Variants in PKP1 observed in about 807,000 individuals in gnomAD.
PKP1 encodes the protein plakophilin-1.
In PKP1, 27 loss-of-function variants were observed where a neutral mutation model predicts 76.4. The ratio of observed to expected loss-of-function variants is 0.35; its 90% CI spans 0.26 to 0.49. PKP1 has a LOEUF of 0.49. Among genes scored for constraint, PKP1 ranks in the 20% least tolerant of loss-of-function variants. The pLI is 0.99. For synonymous variants in PKP1, 404 were observed against 384.2 expected (o/e 1.05, Z -0.60); for missense variants, 964 against 955.2 (o/e 1.01, Z -0.12).
chr1:201,316,834 A>C, intron 4 of PKP1, 137 bp downstream of exon 4: 1 of 903,376 alleles, frequency 1.1e-6, no homozygotes, highest in Non-Finnish European at 1.8e-6. Context: ...GAGCCTTCGC[A>C]TTGCCCAAGG....
chr1:201,290,830 G>A lies in PKP1; in HGVS notation c.203-3112G>A, dbSNP rs1006431356. Among the ~76,000 whole-genome samples the A allele has an allele frequency of 3.3e-5, 5 of 152,206 alleles. No individual in the cohort carries two copies. In the East Asian group the frequency reaches 9.6e-4, roughly 29 times the overall value. ...CATGGTGGTGGAGACTTGTACGGGC[G>A]TGAGATGGAGATGGGAGTAGGCGTC... On this transcript the variant is annotated intron_variant, in intron 1 of 13. Transcript: ENST00000367324.
intron 3 of PKP1, 75 bp from the exon 4 acceptor site, chr1:201,316,478 T>TG: frequency 6.8e-7 from 1 of 1,474,378 alleles, no homozygotes. Flanking sequence ...CTTAGTGTGC[T>TG]GGGAGGAATT....
At chr1:201,313,620 G>C in intron 3 of PKP1, 60 bp downstream of exon 3, 1 of 1,550,888 alleles carries the variant, frequency 6.4e-7, no homozygotes, top group South Asian at 1.2e-5. Flanking sequence ...CACACCCTTA[G>C]CCTGACTGCA....
At position 201,325,224 on chromosome 1, in the gene PKP1, G is replaced by A. The variant is rs565878458; in HGVS notation, c.2021+97G>A. 45 of 1,299,084 alleles carry A rather than the reference G, an allele frequency of 3.5e-5. No homozygotes were observed. The African/African-American group carries it at 5.8e-4, about 17-fold the overall frequency. 80.5% of individuals were successfully genotyped at this position (1,299,084 alleles called of 1,614,324 possible). ...GTCCCGCAGCTCTCCATGGAGTAGG[G>A]GAAGCACCAAGGGCAGGGGGAGCCA... is the stretch of plus-strand genomic sequence containing the variant. On this transcript the variant is annotated intron_variant, in intron 11 of 13. Transcript: ENST00000367324.
At chr1:201,315,238 G>A (rs910295600) in intron 3 of PKP1, among the ~76,000 whole-genome samples, 5 of 152,210 alleles carry the variant, frequency 3.3e-5, no homozygotes, top group Non-Finnish European at 7.3e-5. Context: ...AGCCATTTTG[G>A]GGTGACATTT....
At chr1:201,305,579 C>G (rs1656347017) in intron 2 of PKP1, among the ~76,000 whole-genome samples, 1 of 152,190 alleles carries the variant, frequency 6.6e-6, no homozygotes, top group African/African-American at 2.4e-5. Flanking sequence ...CTCCAGGGAC[C>G]TCTTTTCTGG....
chr1:201,295,471 T>C (rs1220101649), intron 2 of PKP1, among the ~76,000 whole-genome samples: 1 of 152,192 alleles, frequency 6.6e-6, no homozygotes. Flanking sequence ...AAAAGGGCTT[T>C]TACACAAAGG....
Position 201,317,733 on chromosome 1 carries a change from C to T in PKP1, c.1008C>T (p.Ser336=), listed in dbSNP as rs148303000. 1.1e-4 allele frequency: 173 copies of T among 1,613,922 alleles called. No homozygotes were observed. In the East Asian group the frequency reaches 3.5e-3, roughly 32 times the overall value. Residue 336 remains serine, a synonymous_variant, in exon 5 of 14, where the codon AGC becomes AGT. Coordinates refer to ENST00000367324, the MANE Select transcript of PKP1 (RefSeq NM_001005337.3). ...RRQNGIREAV[S]LLRRTGNAEI... ...AGAATGGGATCCGCGAGGCAGTCAGCCTCCTGAGGAGAACCGGGAACGCCG... is the reference window on the plus strand; with the variant it reads ...AGAATGGGATCCGCGAGGCAGTCAGTCTCCTGAGGAGAACCGGGAACGCCG...
chr1:201,303,885 G>T (rs754082807), intron 2 of PKP1, among the ~76,000 whole-genome samples: 16 of 152,198 alleles, frequency 1.1e-4, no homozygotes, highest in Non-Finnish European at 2.1e-4. Flanking sequence ...AGGTAGGAGA[G>T]CTGAGGTCCT....
At chr1:201,286,370 G>T (rs1362909457) in intron 1 of PKP1, among the ~76,000 whole-genome samples, 5 of 152,164 alleles carry the variant, frequency 3.3e-5, no homozygotes, top group African/African-American at 1.2e-4. Context: ...CCCACAGGTT[G>T]CCTGGAAGAG....
chr1:201,320,193 ACT>A lies in PKP1; in HGVS notation c.1233-69_1233-68del, dbSNP rs1272576674. 3.5e-6 allele frequency: 3 copies of A among 863,594 alleles called. No individual in the cohort carries two copies. The East Asian group carries it at 7.9e-5, about 23-fold the overall frequency. The allele number at this position is 863,594 out of a possible 1,614,324, so 53.5% of individuals were successfully genotyped here. A position where few individuals can be genotyped will look rare whatever the true frequency, so the allele number is the denominator to read the frequency against. On this transcript the variant is annotated intron_variant, in intron 6 of 13. Transcript: ENST00000367324. ...CTCTCTCCTGCCTGTCCCCCACCACACTCTCTTGTCCCCACCTTCCCCGTTCT... is the reference window on the plus strand; with the variant it reads ...CTCTCTCCTGCCTGTCCCCCACCACACTCTTGTCCCCACCTTCCCCGTTCT...
intron 1 of PKP1, among the ~76,000 whole-genome samples, chr1:201,293,494 T>G (rs1332123828): frequency 1.3e-5 from 2 of 152,198 alleles, no homozygotes; most frequent in Non-Finnish European, 2.9e-5. Flanking sequence ...AGTCCTGTCC[T>G]GAATCAATCT....
At chr1:201,299,491 A>G (rs1282639443) in intron 2 of PKP1, among the ~76,000 whole-genome samples, 1 of 152,208 alleles carries the variant, frequency 6.6e-6, no homozygotes, top group East Asian at 1.9e-4. Context: ...AATTGGACTA[A>G]AGCACAGCCA....
At chr1:201,312,336 C>T (rs951383259) in intron 2 of PKP1, among the ~76,000 whole-genome samples, 2 of 152,126 alleles carry the variant, frequency 1.3e-5, no homozygotes, top group Non-Finnish European at 2.9e-5. Flanking sequence ...TATAAGGGGC[C>T]CAAGAAGGCT....
chr1:201,307,503 G>A (rs758684558), intron 2 of PKP1, among the ~76,000 whole-genome samples: 5 of 152,138 alleles, frequency 3.3e-5, no homozygotes, highest in Non-Finnish European at 1.5e-5. Context: ...ATTCTCGACC[G>A]CCTGGAGCCC....
intron 1 of PKP1, among the ~76,000 whole-genome samples, chr1:201,289,688 GCACACACACA>G (rs3057891): frequency 0.036 from 5,181 of 144,946 alleles, 294 homozygotes; most frequent in African/African-American, 0.12. Context: ...TGGGAGGAGT[GCACACACACA>G]CACACACACA....
At chr1:201,291,468 T>C (rs1655915500) in intron 1 of PKP1, among the ~76,000 whole-genome samples, 1 of 152,004 alleles carries the variant, frequency 6.6e-6, no homozygotes, top group Admixed American at 6.6e-5. Context: ...GAAGAGTGTA[T>C]GAGAGGGAGG....
chr1:201,287,839 G>A (rs189163742), intron 1 of PKP1, among the ~76,000 whole-genome samples: 22 of 152,318 alleles, frequency 1.4e-4, no homozygotes, highest in Admixed American at 3.3e-4. Flanking sequence ...GCGATGGGCC[G>A]TGACCCTTAC....
intron 1 of PKP1, among the ~76,000 whole-genome samples, chr1:201,293,617 G>A (rs191319137): frequency 1.6e-4 from 24 of 152,304 alleles, no homozygotes; most frequent in Admixed American, 5.9e-4. Flanking sequence ...TGGAATGGCC[G>A]TGCTCCAAGG....
Sources: allele counts gnomAD v4.1 joint callset (sites outside exome capture counted in the v4.1 genomes callset), GRCh38; gene constraint gnomAD v4.1.1; transcripts MANE v1.5; gene names NCBI Gene and HGNC (gene_info 2026-07-23, HGNC 2026-07-21).